The following ALDH6A1 variants were observed in gnomAD, a reference collection of about 807,000 sequenced individuals.
ALDH6A1 encodes the protein aldehyde dehydrogenase 6 family member A1, also known as methylmalonate-semialdehyde/malonate-semialdehyde dehydrogenase [acylating], mitochondrial.
A neutral mutation model predicts 62.6 loss-of-function variants in ALDH6A1; 43 were observed. The observed-to-expected ratio is 0.69, with a 90% CI of 0.54 to 0.89. The LOEUF is 0.89. ALDH6A1 is among the 40% of genes least tolerant of loss of function. ALDH6A1 has a pLI of 0.00. For missense variants in ALDH6A1, 551 were observed against 661.3 expected (o/e 0.83, Z 1.83); for synonymous variants, 194 against 234.2 (o/e 0.83, Z 1.57).
At chr14:74,077,784 C>T (rs1439694439) in intron 1 of ALDH6A1, among the ~76,000 whole-genome samples, 3 of 152,182 alleles carry the variant, frequency 2.0e-5, no homozygotes, top group African/African-American at 7.2e-5. Flanking sequence ...GCCACAGCAC[C>T]TGGGTACTTA....
intron 11 of ALDH6A1, among the ~76,000 whole-genome samples, chr14:74,062,192 C>T (rs2060361358): frequency 6.6e-6 from 1 of 151,542 alleles, no homozygotes; most frequent in South Asian, 2.1e-4. Context: ...GCAAAACTCC[C>T]ATCTCAAAAA....
intron 4 of ALDH6A1, 80 bp from the exon 5 acceptor site, chr14:74,072,054 A>T (rs867760820): frequency 6.4e-7 from 1 of 1,566,424 alleles, no homozygotes; most frequent in Admixed American, 1.7e-5. Context: ...GAAGAATAAG[A>T]CTGGAGGAGA....
chr14:74,061,993 T>TGG (rs1297679583), intron 11 of ALDH6A1, among the ~76,000 whole-genome samples: 1 of 143,082 alleles, frequency 7.0e-6, no homozygotes, highest in African/African-American at 2.6e-5. Flanking sequence ...GCGGATCACT[T>TGG]GAGGCCATGA....
intron 1 of ALDH6A1, among the ~76,000 whole-genome samples, chr14:74,082,393 GTTTTTTTTTTTTTT>G (rs869211328): frequency 1.3e-5 from 1 of 77,568 alleles, no homozygotes; most frequent in East Asian, 5.7e-4. Context: ...CAAAATCGAG[GTTTTTTTTTTTTTT>G]TTTTTTTTTT....
Position 74,057,324 on chromosome 14 carries a change from T to C in ALDH6A1, c.*3318A>G, listed in dbSNP as rs1287094136. ...CACCCTTCCCCATGTCGCTTCTTGC[T>C]AAATCACGGTTATTTTCTCTACTAG... On this transcript the variant is annotated 3_prime_UTR_variant, in exon 12 of 12. Transcript: ENST00000553458. 1 of 1,605,616 alleles carries C rather than the reference T, an allele frequency of 6.2e-7. No individual in the cohort carries two copies. Among genetic ancestry groups the C allele is most frequent in the South Asian group, 1.1e-5 (1 of 90,116 alleles).
At chr14:74,071,602 G>A (rs1269375698) in intron 5 of ALDH6A1, 105 bp from the exon 6 acceptor site, 2 of 1,597,666 alleles carry the variant, frequency 1.3e-6, no homozygotes, top group African/African-American at 1.3e-5. Flanking sequence ...GCCAATGAAG[G>A]GGTGCAGGGT....
chr14:74,065,078 G>A, intron 10 of ALDH6A1, 103 bp downstream of exon 10: 6 of 1,449,112 alleles, frequency 4.1e-6, no homozygotes, highest in Non-Finnish European at 5.8e-6. Flanking sequence ...AATGTGGGAG[G>A]TCATGGGGGC....
chr14:74,079,621 A>T (rs1050691388), intron 1 of ALDH6A1, among the ~76,000 whole-genome samples: 1 of 151,120 alleles, frequency 6.6e-6, no homozygotes, highest in Non-Finnish European at 1.5e-5. Flanking sequence ...TTTAGTAGAG[A>T]TGGGGTTTCA....
rs766085131 is a variant in ALDH6A1 at position 74,067,480 on chromosome 14, A to T, written c.942T>A (p.Gly314=). ...CTGTTGAAAGAGCCATGCAGCGCTG[A>T]CCAGCAGCTCCAAATGCTGCCCCAA... ...QLVGAAFGAA[G]QRCMALSTAV... is the part of the protein sequence containing the mutation. Residue 314 remains glycine, a synonymous_variant, in exon 8 of 12, where the codon GGT becomes GGA. Coordinates refer to ENST00000553458, the MANE Select transcript of ALDH6A1 (RefSeq NM_005589.4). 98 of 1,614,096 alleles carry T rather than the reference A, an allele frequency of 6.1e-5. No homozygotes were observed. Among genetic ancestry groups the T allele is most frequent in the Non-Finnish European group, 8.1e-5 (95 of 1,180,056 alleles).
At position 74,071,344 on chromosome 14, in the gene ALDH6A1, C is replaced by G; in HGVS notation, c.581G>C (p.Trp194Ser). Residue 194 changes from tryptophan to serine, a missense_variant, in exon 6 of 12, where the codon TGG (tryptophan) becomes TCG (serine). By Grantham distance (177) the Trp-to-Ser change is radical (BLOSUM62 -3). Transcript: ENST00000553458. Reference protein sequence around the residue: ...PFNFPAMIPLWMFPMAMVCGN... With the variant: ...PFNFPAMIPLSMFPMAMVCGN... ...ACACACCATGGCCATGGGAAACATC[C>G]AAAGGGGGATCATGGCAGGAAAATT... The G allele has an allele frequency of 1.9e-6, 3 of 1,614,082 alleles. No homozygotes were observed. The highest frequency in any genetic ancestry group is 2.5e-6 in the Non-Finnish European group (3 of 1,180,026).
At chr14:74,075,100 T>A in intron 1 of ALDH6A1, 83 bp from the exon 2 acceptor site, 5 of 1,250,138 alleles carry the variant, frequency 4.0e-6, no homozygotes, top group Non-Finnish European at 5.8e-6. Context: ...ATATGCTATT[T>A]GCTATAGTAT....
intron 11 of ALDH6A1, among the ~76,000 whole-genome samples, chr14:74,062,265 C>T (rs986366282): frequency 1.3e-5 from 2 of 151,782 alleles, no homozygotes; most frequent in African/African-American, 4.8e-5. Flanking sequence ...CTCTGTTTTG[C>T]TTAAAAGAAA....
At chr14:74,075,046 TA>T in intron 1 of ALDH6A1, 29 bp from the exon 2 acceptor site, 1 of 1,606,184 alleles carries the variant, frequency 6.2e-7, no homozygotes, top group South Asian at 1.1e-5. Flanking sequence ...ATTATTTTGA[TA>T]AATGAGAGCA....
At chr14:74,072,756 T>A in intron 2 of ALDH6A1, 145 bp from the exon 3 acceptor site, 1 of 925,410 alleles carries the variant, frequency 1.1e-6, no homozygotes, top group Non-Finnish European at 1.7e-6. Flanking sequence ...ATGTTACCAC[T>A]AGGAAAGAGA....
intron 1 of ALDH6A1, among the ~76,000 whole-genome samples, chr14:74,081,742 T>C (rs1466969770): frequency 6.6e-6 from 1 of 152,186 alleles, no homozygotes; most frequent in African/African-American, 2.4e-5. Context: ...CTATTGTTTA[T>C]CACTTATTGC....
At chr14:74,084,235 G>T in intron 1 of ALDH6A1, 112 bp downstream of exon 1, 1 of 1,526,092 alleles carries the variant, frequency 6.6e-7, no homozygotes, top group Non-Finnish European at 9.0e-7. Flanking sequence ...TAGGAGGTCT[G>T]GCCAAAAAGG....
intron 1 of ALDH6A1, among the ~76,000 whole-genome samples, chr14:74,075,732 T>C (rs909634152): frequency 6.6e-6 from 1 of 152,198 alleles, no homozygotes. Flanking sequence ...CAAAATTTAT[T>C]ACCAAATGCA....
Position 74,057,480 on chromosome 14 carries a change from G to C in ALDH6A1, c.*3162C>G. 3.5e-6 allele frequency: 5 copies of C among 1,429,026 alleles called. No homozygotes were observed. The highest frequency in any genetic ancestry group is 4.6e-6 in the Non-Finnish European group (5 of 1,092,976). 88.5% of individuals were successfully genotyped at this position (1,429,026 alleles called of 1,614,324 possible). A position where few individuals can be genotyped will look rare whatever the true frequency, so the allele number is the denominator to read the frequency against. On this transcript the variant is annotated 3_prime_UTR_variant, in exon 12 of 12. Coordinates refer to ENST00000553458, the MANE Select transcript of ALDH6A1 (RefSeq NM_005589.4). ...GCAAATGTGTGCCTCTTTTTGTGTA[G>C]AAACCTATAGGTTGCCTTTTGAAGT...
chr14:74,069,850 C>T (rs1000338604), intron 6 of ALDH6A1, among the ~76,000 whole-genome samples: 17 of 122,518 alleles, frequency 1.4e-4, no homozygotes, highest in Non-Finnish European at 2.3e-4. Flanking sequence ...CTAATCTAAC[C>T]TTTTTTTTTT....
Sources: gnomAD v4.1 joint callset for allele counts (sites outside exome capture counted in the v4.1 genomes callset) on GRCh38, gnomAD v4.1.1 for gene constraint, MANE v1.5 for transcripts, NCBI Gene and HGNC (gene_info 2026-07-23, HGNC 2026-07-21) for gene names.